MED12L: variants seen among roughly 807,000 people sequenced by gnomAD.
MED12L encodes the protein mediator of RNA polymerase II transcription subunit 12-like protein.
A neutral mutation model predicts 281.3 loss-of-function variants in MED12L; 60 were observed. The observed-to-expected ratio is 0.21, with a 90% CI of 0.17 to 0.26. The LOEUF (loss-of-function observed/expected upper bound fraction) is 0.26. Ranked by LOEUF, MED12L falls within the 10% of genes least tolerant of loss-of-function variation. MED12L has a pLI of 1.00. For synonymous variants in MED12L, 974 were observed against 987.2 expected (o/e 0.99, Z 0.25); for missense variants, 2,146 against 2,680.9 (o/e 0.80, Z 4.41).
chr3:151,169,122 G>GTTTTTTTTTTTTTTGT (rs1179594098), intron 11 of MED12L, among the ~76,000 whole-genome samples: 1 of 82,572 alleles, frequency 1.2e-5, no homozygotes, highest in South Asian at 3.7e-4. Context: ...TTTTTTTTTT[G>GTTTTTTTTTTTTTTGT]TTTTTTTTTT....
chr3:151,369,325 A>G (rs1424707677), intron 25 of MED12L, 111 bp from the exon 26 acceptor site: 32 of 616,588 alleles, frequency 5.2e-5, no homozygotes, highest in Non-Finnish European at 9.0e-5. Context: ...AAGCAAGCTA[A>G]TGGCAATTAA....
intron 39 of MED12L, among the ~76,000 whole-genome samples, chr3:151,408,193 T>A (rs896647211): frequency 6.6e-6 from 1 of 152,156 alleles, no homozygotes; most frequent in African/African-American, 2.4e-5. Context: ...CTGAAGAAGA[T>A]GAGAATGATG....
At chr3:151,137,007 C>T (rs1430039929) in intron 5 of MED12L, among the ~76,000 whole-genome samples, 1 of 151,306 alleles carries the variant, frequency 6.6e-6, no homozygotes, top group African/African-American at 2.4e-5. Context: ...ACTAAAAATA[C>T]AAAAATTAAC....
chr3:151,425,046 A>G (rs1403284087), intron 43 of MED12L, among the ~76,000 whole-genome samples: 1 of 152,152 alleles, frequency 6.6e-6, no homozygotes, highest in Non-Finnish European at 1.5e-5. Context: ...TATTTGTTGA[A>G]TGACTCATTT....
intron 5 of MED12L, among the ~76,000 whole-genome samples, chr3:151,130,211 A>G (rs1715173121): frequency 6.6e-6 from 1 of 151,890 alleles, no homozygotes; most frequent in South Asian, 2.1e-4. Context: ...ATTTCTTGTC[A>G]TCCCTTAACT....
intron 16 of MED12L, chr3:151,294,450 G>A (rs199868921): frequency 5.0e-6 from 8 of 1,614,212 alleles, no homozygotes; most frequent in Admixed American, 1.7e-5. Flanking sequence ...TGATATGGTA[G>A]AAAGCAGGTA....
chr3:151,219,028 T>G (rs1308658693), intron 16 of MED12L, among the ~76,000 whole-genome samples: 1 of 152,146 alleles, frequency 6.6e-6, no homozygotes, highest in Non-Finnish European at 1.5e-5. Context: ...TACTGTCACT[T>G]TGGAGACTTT....
chr3:151,119,481 G>A (rs1713403448), intron 3 of MED12L, among the ~76,000 whole-genome samples: 2 of 152,090 alleles, frequency 1.3e-5, no homozygotes, highest in African/African-American at 4.8e-5. Context: ...TTCCTCCGTG[G>A]TGTCTCCTCT....
chr3:151,102,798 A>G (rs1334257121), intron 2 of MED12L, among the ~76,000 whole-genome samples: 1 of 152,124 alleles, frequency 6.6e-6, no homozygotes, highest in African/African-American at 2.4e-5. Context: ...AATTTGCAAT[A>G]CATTTGGTGG....
chr3:151,387,845 G>A lies in MED12L; in HGVS notation c.5124G>A (p.Pro1708=), dbSNP rs765736163. The change falls in exon 37 of 45, where the codon CCG becomes CCA. Residue 1708 remains proline (P), a synonymous_variant. Coordinates refer to ENST00000687756, the MANE Select transcript of MED12L (RefSeq NM_001393769.1). ...TCTCTACGAAGCAGAAGGTGTCCCCGTGGGACTTGTTTGAGGGTCAGAAGA... is the reference window on the plus strand; with the variant it reads ...TCTCTACGAAGCAGAAGGTGTCCCCATGGGACTTGTTTGAGGGTCAGAAGA... ...LQVSTKQKVS[P]WDLFEGQKNP... is the part of the protein sequence containing the mutation. 4.6e-5 allele frequency: 74 copies of A among 1,613,814 alleles called. No individual in the cohort carries two copies. Among genetic ancestry groups the A allele is most frequent in the Admixed American group, 8.3e-5 (5 of 59,996 alleles).
rs1227578058 is a variant in MED12L, at chr3:151,328,798, C to A, written c.2251-21261C>A. On this transcript the variant is annotated intron_variant, in intron 16 of 44. Transcript: ENST00000687756. ...TGAGTGTCATTATCAAGTCGGCCAC[C>A]AAAGTGTTTTTGAGGTAGATGATGA... 11 of 1,613,732 alleles carry A rather than the reference C, an allele frequency of 6.8e-6. No homozygotes were observed. Among genetic ancestry groups the A allele is most frequent in the Non-Finnish European group, 8.5e-6 (10 of 1,179,910 alleles).
chr3:151,213,468 T>TAGTAG (rs1449431540), intron 16 of MED12L: 1 of 1,614,168 alleles, frequency 6.2e-7, no homozygotes, highest in South Asian at 1.1e-5. Flanking sequence ...TTGCAGCAGA[T>TAGTAG]AGTAGCAGAG....
chr3:151,185,534 C>T (rs1209936459), intron 12 of MED12L, 73 bp downstream of exon 12: 1 of 1,508,768 alleles, frequency 6.6e-7, no homozygotes, highest in African/African-American at 1.4e-5. Flanking sequence ...ATCATTTTCT[C>T]TTACCCTCAT....
chr3:151,139,251 A>G (rs1716583022), intron 5 of MED12L, among the ~76,000 whole-genome samples: 1 of 151,834 alleles, frequency 6.6e-6, no homozygotes, highest in Non-Finnish European at 1.5e-5. Context: ...TTCCATGTTC[A>G]TTGTGTATAT....
intron 2 of MED12L, among the ~76,000 whole-genome samples, chr3:151,111,601 C>G (rs1457144910): frequency 6.6e-6 from 1 of 152,176 alleles, no homozygotes; most frequent in African/African-American, 2.4e-5. Flanking sequence ...CAGCGTGTAT[C>G]CACCTGGAAC....
chr3:151,216,737 T>G (rs541421598), intron 16 of MED12L, among the ~76,000 whole-genome samples: 2 of 152,334 alleles, frequency 1.3e-5, no homozygotes, highest in Middle Eastern at 3.4e-3. Flanking sequence ...TTTGTAGGTC[T>G]TCTATCGCCT....
intron 16 of MED12L, among the ~76,000 whole-genome samples, chr3:151,207,652 G>A (rs1726558734): frequency 6.6e-6 from 1 of 152,200 alleles, no homozygotes; most frequent in South Asian, 2.1e-4. Flanking sequence ...GCAGTATTAG[G>A]TGAATCTACC....
At chr3:151,368,067 A>G in intron 24 of MED12L, 83 bp from the exon 25 acceptor site, 2 of 1,120,920 alleles carry the variant, frequency 1.8e-6, no homozygotes, top group East Asian at 2.4e-5. Context: ...TAATTATTCC[A>G]GGAAATTTAG....
intron 16 of MED12L, among the ~76,000 whole-genome samples, chr3:151,289,499 T>C (rs1743972212): frequency 6.6e-6 from 1 of 152,200 alleles, no homozygotes; most frequent in African/African-American, 2.4e-5. Context: ...CGTTGGGTAA[T>C]TGACAGATGG....
Sources: allele counts gnomAD v4.1 joint callset (sites outside exome capture counted in the v4.1 genomes callset), GRCh38; gene constraint gnomAD v4.1.1; transcripts MANE v1.5; gene names NCBI Gene and HGNC (gene_info 2026-07-23, HGNC 2026-07-21).